The following RBM19 variants were observed in gnomAD, a reference collection of about 807,000 sequenced individuals.
RBM19 encodes the protein RNA binding motif protein 19.
RBM19 carries 94 observed loss-of-function variants against 116.8 expected under a neutral mutation model. The ratio of observed to expected loss-of-function variants is 0.80; its 90% CI spans 0.68 to 0.95. The LOEUF (loss-of-function observed/expected upper bound fraction) is 0.95. Among genes scored for constraint, RBM19 ranks in the 40% least tolerant of loss-of-function variants. The pLI is 0.00. For synonymous variants in RBM19, 475 were observed against 494.1 expected (o/e 0.96, Z 0.51); for missense variants, 1,161 against 1,220.7 (o/e 0.95, Z 0.73).
chr12:113,950,091 T>C lies in RBM19; in HGVS notation c.1064A>G (p.Glu355Gly), dbSNP rs1871344706. The C allele has an allele frequency of 1.2e-6, 2 of 1,606,102 alleles. No individual in the cohort carries two copies. Among genetic ancestry groups the C allele is most frequent in the East Asian group, 4.5e-5 (2 of 44,846 alleles). ...GGCCAGGGCTTCCTTACCCATGTACTCCCGGTTGCATTTCAGAGCTTGCTT... is the reference window on the plus strand; with the variant it reads ...GGCCAGGGCTTCCTTACCCATGTACCCCCGGTTGCATTTCAGAGCTTGCTT... The part of the protein sequence containing the change: ...EVKQALKCNR[E>G]YMGGRYIEVF... The change falls in exon 9 of 24, where the codon GAG becomes GGG. Residue 355 changes from glutamate to glycine, a missense_variant. By Grantham distance (98) the Glu-to-Gly change is moderately conservative (BLOSUM62 -2). Coordinates refer to ENST00000261741, the MANE Select transcript of RBM19 (RefSeq NM_016196.4).
chr12:113,866,764 G>A (rs1468156685), intron 21 of RBM19, among the ~76,000 whole-genome samples: 1 of 152,224 alleles, frequency 6.6e-6, no homozygotes, highest in Non-Finnish European at 1.5e-5. Context: ...AGGGACAGGG[G>A]CCACTCAGCC....
At chr12:113,933,005 G>A (rs73399011) in intron 16 of RBM19, among the ~76,000 whole-genome samples, 5 of 152,162 alleles carry the variant, frequency 3.3e-5, no homozygotes, top group East Asian at 1.9e-4. Context: ...CCCGGCTCTC[G>A]GCGCTGGAGC....
chr12:113,879,268 A>G (rs1457666149), intron 21 of RBM19, among the ~76,000 whole-genome samples: 1 of 152,008 alleles, frequency 6.6e-6, no homozygotes, highest in Non-Finnish European at 1.5e-5. Context: ...AGTGGCTGCA[A>G]TGACACACCT....
rs202090983 is a variant in RBM19 at position 113,889,892 on chromosome 12, GA to G, written c.2558+25076del. 3.2e-3 allele frequency among the ~76,000 whole-genome samples: 464 copies of G among 144,262 alleles called. 3 individuals are homozygous for G. Among genetic ancestry groups the G allele is most frequent in the African/African-American group, 6.3e-3 (249 of 39,448 alleles). The allele number at this position is 144,262 out of a possible 152,430, so 94.6% of individuals were successfully genotyped here. ...ATTGCATTTCAATCAAGCTGAGGGG[GA>G]AAAAAAAAAACAAAGAAAAGGCGTA... On this transcript the variant is annotated intron_variant, in intron 21 of 23. Transcript: ENST00000261741.
intron 22 of RBM19, among the ~76,000 whole-genome samples, chr12:113,854,499 T>C (rs747297662): frequency 2.6e-5 from 4 of 151,990 alleles, no homozygotes; most frequent in African/African-American, 4.8e-5. Flanking sequence ...CCTGCTTCCC[T>C]CCACATGTGG....
At chr12:113,901,498 TATTCATTC>T (rs148668311) in intron 21 of RBM19, among the ~76,000 whole-genome samples, 15 of 151,744 alleles carry the variant, frequency 9.9e-5, no homozygotes, top group African/African-American at 2.9e-4. Flanking sequence ...TTCCTTCTTT[TATTCATTC>T]ATTCATTCAT....
intron 13 of RBM19, among the ~76,000 whole-genome samples, chr12:113,945,616 G>A (rs1167432506): frequency 6.6e-6 from 1 of 152,194 alleles, no homozygotes; most frequent in Non-Finnish European, 1.5e-5. Flanking sequence ...TCCACATAAG[G>A]GCATGAGAAG....
rs56005301 is a variant in RBM19, at chr12:113,957,535, C to A, written c.840+247G>T. Among the ~76,000 whole-genome samples, 503 of 152,032 alleles carry A rather than the reference C, an allele frequency of 3.3e-3. 5 individuals are homozygous for A. The highest frequency in any genetic ancestry group is 0.012 in the African/African-American group (477 of 41,458). ...TGAGCTGAGATTGCACCACCGCACT[C>A]CAGCCTGGGTGACAGAGTGAGACTC... is the stretch of plus-strand genomic sequence containing the variant. On this transcript the variant is annotated intron_variant, in intron 6 of 23. Coordinates refer to ENST00000261741, the MANE Select transcript of RBM19 (RefSeq NM_016196.4).
intron 23 of RBM19, among the ~76,000 whole-genome samples, chr12:113,831,739 G>A (rs763405545): frequency 1.3e-5 from 2 of 152,214 alleles, no homozygotes; most frequent in African/African-American, 4.8e-5. Context: ...ACGGACAGCC[G>A]CTCCCGGGGG....
chr12:113,838,734 T>A (rs905887731), intron 23 of RBM19, among the ~76,000 whole-genome samples: 7 of 152,180 alleles, frequency 4.6e-5, no homozygotes, highest in African/African-American at 1.4e-4. Flanking sequence ...ATTATTTAGC[T>A]TGAACTACAA....
chr12:113,951,387 G>A lies in RBM19; in HGVS notation c.1000+1125C>T, dbSNP rs1871447652. On this transcript the variant is annotated intron_variant, in intron 8 of 23. Transcript: ENST00000261741. ...GTCTGTGAAGTGCCATAAAACCAAGGGTACCAGCACCATCACCACCACCAT... is the reference window on the plus strand; with the variant it reads ...GTCTGTGAAGTGCCATAAAACCAAGAGTACCAGCACCATCACCACCACCAT... Among the ~76,000 whole-genome samples, 2 of 151,980 alleles carry A rather than the reference G, an allele frequency of 1.3e-5. 1 individual carries two copies. The highest frequency in any genetic ancestry group is 4.1e-4 in the South Asian group (2 of 4,820).
chr12:113,940,868 C>G (rs140922014), intron 14 of RBM19, among the ~76,000 whole-genome samples: 1 of 152,326 alleles, frequency 6.6e-6, no homozygotes, highest in East Asian at 1.9e-4. Flanking sequence ...TGTGCCTCAG[C>G]TCCCGCAGCG....
intron 23 of RBM19, among the ~76,000 whole-genome samples, chr12:113,834,949 T>G (rs12367660): frequency 0.092 from 13,932 of 152,204 alleles, 751 homozygotes; most frequent in African/African-American, 0.14. Flanking sequence ...GGTAGGTCCA[T>G]GACAAAGCTT....
At chr12:113,896,595 G>T (rs1566002703) in intron 21 of RBM19, among the ~76,000 whole-genome samples, 1 of 152,206 alleles carries the variant, frequency 6.6e-6, no homozygotes, top group Non-Finnish European at 1.5e-5. Flanking sequence ...GGCAGGCTGG[G>T]TTTTTTCCCG....
At chr12:113,930,619 T>C (rs1011457513) in intron 16 of RBM19, among the ~76,000 whole-genome samples, 1 of 152,178 alleles carries the variant, frequency 6.6e-6, no homozygotes, top group Non-Finnish European at 1.5e-5. Flanking sequence ...GTCAGCCTCT[T>C]ACCCTCCCCT....
At chr12:113,896,095 A>G (rs921056959) in intron 21 of RBM19, among the ~76,000 whole-genome samples, 1 of 152,138 alleles carries the variant, frequency 6.6e-6, no homozygotes, top group African/African-American at 2.4e-5. Flanking sequence ...TTGAATGTCA[A>G]AGATGACCAC....
chr12:113,943,652 C>T (rs1476869469), intron 13 of RBM19, among the ~76,000 whole-genome samples: 1 of 151,970 alleles, frequency 6.6e-6, no homozygotes, highest in African/African-American at 2.4e-5. Context: ...GGAGAAACCT[C>T]ATCTCTACTA....
intron 21 of RBM19, among the ~76,000 whole-genome samples, chr12:113,907,579 G>A (rs919461145): frequency 3.9e-5 from 6 of 152,188 alleles, no homozygotes; most frequent in East Asian, 1.9e-4. Flanking sequence ...CCCGGTCCTC[G>A]CGGCCAGCCC....
At chr12:113,961,422 A>G (rs1872488600) in intron 2 of RBM19, among the ~76,000 whole-genome samples, 1 of 152,202 alleles carries the variant, frequency 6.6e-6, no homozygotes, top group African/African-American at 2.4e-5. Context: ...ATACAAAAGT[A>G]CAATGGAAGT....
Sources: gnomAD v4.1 joint callset for allele counts (sites outside exome capture counted in the v4.1 genomes callset) on GRCh38, gnomAD v4.1.1 for gene constraint, MANE v1.5 for transcripts, NCBI Gene and HGNC (gene_info 2026-07-23, HGNC 2026-07-21) for gene names.